The following MARCHF1 variants were observed in gnomAD, a reference collection of about 807,000 sequenced individuals.
MARCHF1 encodes the protein E3 ubiquitin-protein ligase MARCHF1.
A neutral mutation model predicts 54.2 loss-of-function variants in MARCHF1; 40 were observed. The observed-to-expected ratio is 0.74, with a 90% CI of 0.57 to 0.96. The LOEUF (loss-of-function observed/expected upper bound fraction) is 0.96. MARCHF1 is among the 40% of genes least tolerant of loss of function. The pLI is 0.00. For synonymous variants in MARCHF1, 236 were observed against 236.3 expected, an observed-to-expected ratio of 1.00 and a Z score of 0.01; for missense variants, 586 against 656.5, an observed-to-expected ratio of 0.89 and a Z score of 1.17.
intron 2 of MARCHF1, among the ~76,000 whole-genome samples, chr4:164,017,207 AC>A (rs1197443977): frequency 6.6e-6 from 1 of 152,012 alleles, no homozygotes; most frequent in Non-Finnish European, 1.5e-5. Context: ...TTTATGAAAA[AC>A]ATCACACTTA....
chr4:164,125,706 A>G (rs904952995), intron 1 of MARCHF1, among the ~76,000 whole-genome samples: 1 of 152,294 alleles, frequency 6.6e-6, no homozygotes, highest in Middle Eastern at 3.4e-3. Flanking sequence ...GTGGCCTTTA[A>G]GAACTGAGCT....
chr4:163,808,771 G>A (rs1336536903), intron 4 of MARCHF1, among the ~76,000 whole-genome samples: 4 of 152,000 alleles, frequency 2.6e-5, no homozygotes, highest in African/African-American at 7.3e-5. Flanking sequence ...GTTTCACCAC[G>A]TTGGCTAGGC....
At chr4:164,309,279 T>C (rs548852990) in intron 1 of MARCHF1, among the ~76,000 whole-genome samples, 3 of 150,126 alleles carry the variant, frequency 2.0e-5, no homozygotes, top group South Asian at 4.3e-4. Flanking sequence ...TGTGTGTGTG[T>C]GTGTGCGCGT....
chr4:164,232,832 T>C (rs971322075), intron 1 of MARCHF1, among the ~76,000 whole-genome samples: 3 of 152,166 alleles, frequency 2.0e-5, no homozygotes, highest in African/African-American at 4.8e-5. Context: ...TAAGATGCAA[T>C]AGTAGTTACA....
chr4:164,358,283 G>C (rs867660612), intron 1 of MARCHF1, among the ~76,000 whole-genome samples: 2 of 152,082 alleles, frequency 1.3e-5, no homozygotes, highest in South Asian at 2.1e-4. Flanking sequence ...AATAGATACA[G>C]GTCATAAAGG....
Position 163,527,529 on chromosome 4 carries a change from T to TATC in MARCHF1, c.*1216_*1218dup, listed in dbSNP as rs1383058318. The TATC allele has an allele frequency of 5.3e-5, 8 of 152,100 alleles. No individual in the cohort carries two copies. The East Asian group carries it at 1.3e-3, about 26-fold the overall frequency. 9.4% of individuals were successfully genotyped at this position (152,100 alleles called of 1,614,324 possible). The stretch of plus-strand genomic sequence containing the variant: ...TCTGCTATAGGCAGATTGATTGTTT[T>TATC]ATCTTTCTATACTTTTGGATTTTTA... On this transcript the variant is annotated 3_prime_UTR_variant, in exon 10 of 10. Transcript: ENST00000514618.
At chr4:163,818,485 A>G (rs551626056) in intron 4 of MARCHF1, among the ~76,000 whole-genome samples, 55 of 152,138 alleles carry the variant, frequency 3.6e-4, no homozygotes, top group Admixed American at 6.6e-4. Context: ...CATGTATACC[A>G]TAACATTCAT....
intron 5 of MARCHF1, among the ~76,000 whole-genome samples, chr4:163,666,020 C>G (rs754446579): frequency 6.6e-6 from 1 of 152,114 alleles, no homozygotes; most frequent in Non-Finnish European, 1.5e-5. Context: ...CTAAAATTCT[C>G]CTGTGGGAAG....
intron 7 of MARCHF1, among the ~76,000 whole-genome samples, chr4:163,593,596 T>C (rs943830025): frequency 1.4e-4 from 21 of 152,210 alleles, no homozygotes; most frequent in Non-Finnish European, 1.5e-5. Flanking sequence ...GCTAGGTGTT[T>C]GAATTTTTCT....
intron 4 of MARCHF1, among the ~76,000 whole-genome samples, chr4:163,774,063 G>A (rs1476434694): frequency 6.6e-6 from 1 of 152,114 alleles, no homozygotes; most frequent in Non-Finnish European, 1.5e-5. Context: ...TGGGGGATTG[G>A]TTTCAGGACA....
intron 4 of MARCHF1, among the ~76,000 whole-genome samples, chr4:163,777,727 T>TAA (rs1290398697): frequency 3.3e-5 from 5 of 152,170 alleles, no homozygotes; most frequent in African/African-American, 1.2e-4. Context: ...ACTTAATGTT[T>TAA]ACCTCCTTCA....
At chr4:163,603,573 A>C (rs11731733) in intron 7 of MARCHF1, among the ~76,000 whole-genome samples, 50,381 of 151,932 alleles carry the variant, frequency 0.33, 9,757 homozygotes, top group Non-Finnish European at 0.44. Context: ...ACAATGAGTA[A>C]TTCTTTAGCA....
chr4:163,889,378 C>A (rs919477402), intron 3 of MARCHF1, among the ~76,000 whole-genome samples: 4 of 152,112 alleles, frequency 2.6e-5, no homozygotes, highest in African/African-American at 9.7e-5. Flanking sequence ...AGGACTTAAA[C>A]CCAGTCAGTG....
chr4:164,054,398 C>T (rs1754441689), intron 2 of MARCHF1, among the ~76,000 whole-genome samples: 1 of 151,494 alleles, frequency 6.6e-6, no homozygotes, highest in African/African-American at 2.4e-5. Flanking sequence ...CTGGAAATAC[C>T]ATTTGACCCA....
intron 2 of MARCHF1, among the ~76,000 whole-genome samples, chr4:164,049,267 C>T (rs79309778): frequency 0.12 from 18,035 of 152,066 alleles, 1,230 homozygotes; most frequent in South Asian, 0.22. Context: ...GGATAACTCC[C>T]TCACTATCAT....
At chr4:164,256,404 T>A (rs1733282389) in intron 1 of MARCHF1, among the ~76,000 whole-genome samples, 2 of 96,042 alleles carry the variant, frequency 2.1e-5, no homozygotes, top group South Asian at 3.1e-4. Flanking sequence ...AAACTAAAAA[T>A]GTGAACTAAC....
chr4:164,241,253 G>T (rs1214756351), intron 1 of MARCHF1, among the ~76,000 whole-genome samples: 1 of 151,992 alleles, frequency 6.6e-6, no homozygotes, highest in Admixed American at 6.6e-5. Context: ...TAGGACCTTA[G>T]ATTATTTTCA....
chr4:164,011,232 C>T (rs1049147845), intron 2 of MARCHF1, among the ~76,000 whole-genome samples: 15 of 151,992 alleles, frequency 9.9e-5, no homozygotes, highest in Non-Finnish European at 1.5e-4. Flanking sequence ...TGTAAGACCT[C>T]GAAAGCACAG....
intron 4 of MARCHF1, among the ~76,000 whole-genome samples, chr4:163,771,484 C>T (rs1479702517): frequency 6.6e-6 from 1 of 152,128 alleles, no homozygotes; most frequent in Non-Finnish European, 1.5e-5. Flanking sequence ...GGGCCTACTC[C>T]CTAATTCACA....
Sources: allele counts gnomAD v4.1 joint callset (sites outside exome capture counted in the v4.1 genomes callset), GRCh38; gene constraint gnomAD v4.1.1; transcripts MANE v1.5; gene names NCBI Gene and HGNC (gene_info 2026-07-23, HGNC 2026-07-21).